CYB5R1: variants seen among roughly 807,000 people sequenced by gnomAD.
The protein encoded by CYB5R1 is NADH-cytochrome b5 reductase 1.
CYB5R1 carries 32 observed loss-of-function variants against 37.4 expected under a neutral mutation model. The observed-to-expected ratio is 0.86, with a 90% CI of 0.65 to 1.15. CYB5R1 has a LOEUF of 1.15. CYB5R1 is among the 50% of genes most tolerant of loss of function. The probability of loss-of-function intolerance (pLI) is 0.00; values close to 1 mark genes in which losing one functional copy is unlikely to be tolerated. For missense variants in CYB5R1, 345 were observed against 382.5 expected, an observed-to-expected ratio of 0.90 and a Z score of 0.82; for synonymous variants, 159 against 155.2, an observed-to-expected ratio of 1.02 and a Z score of -0.18.
intron 1 of CYB5R1, 97 bp downstream of exon 1, chr1:202,967,094 G>T: frequency 6.7e-7 from 1 of 1,500,732 alleles, no homozygotes. Context: ...AGCCCTGCGG[G>T]GCGGGGTCGG....
chr1:202,966,523 C>G lies in CYB5R1; in HGVS notation c.238+5G>C. On this transcript the variant is annotated splice_donor_5th_base_variant and intron_variant, in intron 3 of 8. Coordinates refer to ENST00000367249, the MANE Select transcript of CYB5R1 (RefSeq NM_016243.3). ...GGAAAGGAGCCCATTCCACACTTTC[C>G]TTACCCACAGGCAGCCCCAGAGTGT... 1.2e-6 allele frequency: 2 copies of G among 1,614,150 alleles called. No individual in the cohort carries two copies. Among genetic ancestry groups the G allele is most frequent in the Non-Finnish European group, 1.7e-6 (2 of 1,179,986 alleles).
At chr1:202,964,574 A>C in intron 6 of CYB5R1, 38 bp downstream of exon 6, 1 of 1,493,474 alleles carries the variant, frequency 6.7e-7, no homozygotes, top group Non-Finnish European at 9.3e-7. Context: ...GGCAACAGTC[A>C]ACAATGGTGG....
rs1440135342 is a variant in CYB5R1 at position 202,966,547 on chromosome 1, G to A, written c.219C>T (p.His73=). Residue 73 remains histidine, a synonymous_variant, in exon 3 of 9, where the codon CAC becomes CAT. Transcript: ENST00000367249. ...RFRFALPTAH[H]TLGLPVGKHI... ...CCTTACCCACAGGCAGCCCCAGAGT[G>A]TGGTGGGCGGTGGGCAGGGCAAAGC... is the stretch of plus-strand genomic sequence containing the variant. 3.1e-6 allele frequency: 5 copies of A among 1,614,092 alleles called. No homozygotes were observed. Among genetic ancestry groups the A allele is most frequent in the East Asian group, 4.5e-5 (2 of 44,892 alleles).
At chr1:202,963,019 T>C (rs1655022741) in intron 8 of CYB5R1, 47 bp downstream of exon 8, 1 of 1,535,578 alleles carries the variant, frequency 6.5e-7, no homozygotes, top group Admixed American at 1.7e-5. Context: ...AAGGCTTTGA[T>C]TTTGACGATG....
chr1:202,962,689 G>T lies in CYB5R1; in HGVS notation c.756C>A (p.Tyr252Ter), dbSNP rs749419789. 1 of 1,613,982 alleles carries T rather than the reference G, an allele frequency of 6.2e-7. No homozygotes were observed. The highest frequency in any genetic ancestry group is 8.5e-7 in the Non-Finnish European group (1 of 1,180,024). Reference sequence around the variant, plus strand: ...TGTCGGCAGTCACAAAGCCCTTGCTGTAGGCCCAATCTGAAGTATGGGGAG... The same window carrying T: ...TGTCGGCAGTCACAAAGCCCTTGCTTTAGGCCCAATCTGAAGTATGGGGAG... The part of the protein sequence containing the change: ...TLDHPPKDWA[Y>*]SKGFVTADMI... The change falls in exon 9 of 9, where the codon TAC becomes TAA. Residue 252 changes from tyrosine (Y) to a stop codon, truncating the protein, a stop_gained. Transcript: ENST00000367249. LOFTEE classifies it high-confidence loss of function.
Position 202,966,597 on chromosome 1 carries a change from C to G in CYB5R1, c.169G>C (p.Val57Leu). ...YLLRLLDKTT[V>L]SHNTKRFRFA... ...CGGAACCTCTTGGTGTTGTGGCTCA[C>G]AGTCTGGAGGGTGGAGGACACAAGT... Residue 57 changes from valine (V) to leucine (L), a missense_variant, in exon 3 of 9, where the codon GTG becomes CTG. Transcript: ENST00000367249. 6.2e-7 allele frequency: 1 copy of G among 1,614,182 alleles called. No individual in the cohort carries two copies. Among genetic ancestry groups the G allele is most frequent in the Non-Finnish European group, 8.5e-7 (1 of 1,180,034 alleles).
chr1:202,962,239 C>A lies in CYB5R1; in HGVS notation c.*288G>T. ...TATCAAGGAACTAGCCAATCTTGGA[C>A]CAAGCGTACATGCTCCCTTCCTTCT... On this transcript the variant is annotated 3_prime_UTR_variant, in exon 9 of 9. Transcript: ENST00000367249. 2.9e-6 allele frequency: 1 copy of A among 341,314 alleles called. No individual in the cohort carries two copies. Among genetic ancestry groups the A allele is most frequent in the Admixed American group, 4.6e-5 (1 of 21,664 alleles). 21.1% of individuals were successfully genotyped at this position (341,314 alleles called of 1,614,324 possible). A position where few individuals can be genotyped will look rare whatever the true frequency, so the allele number is the denominator to read the frequency against.
chr1:202,967,001 A>G, intron 1 of CYB5R1, 103 bp from the exon 2 acceptor site: 1 of 1,474,990 alleles, frequency 6.8e-7, no homozygotes, highest in Non-Finnish European at 9.1e-7. Flanking sequence ...GCGCGGAGGC[A>G]TGCCAAGGGC....
chr1:202,964,777 G>T, intron 5 of CYB5R1, 82 bp from the exon 6 acceptor site: 1 of 1,010,736 alleles, frequency 9.9e-7, no homozygotes. Context: ...TTGAAAATAT[G>T]CCTGAGGCCA....
Position 202,967,213 on chromosome 1 carries a change from CG to C in CYB5R1, c.-9del. 1 of 1,609,626 alleles carries C rather than the reference CG, an allele frequency of 6.2e-7. No homozygotes were observed. Among genetic ancestry groups the C allele is most frequent in the Non-Finnish European group, 8.5e-7 (1 of 1,178,102 alleles). On this transcript the variant is annotated 5_prime_UTR_variant, in exon 1 of 9. Transcript: ENST00000367249. Reference sequence around the variant, plus strand: ...TACCGTCTGGATCCCCATGACGGAGCGCCTTTTCCTCCACCACCTGACAAGC... The same window carrying C: ...TACCGTCTGGATCCCCATGACGGAGCCCTTTTCCTCCACCACCTGACAAGC...
At position 202,962,366 on chromosome 1, in the gene CYB5R1, A is replaced by G. The variant is rs1655005636; in HGVS notation, c.*161T>C. The stretch of plus-strand genomic sequence containing the variant: ...AGTGACTGAGCCTTGGCCCTCTTCC[A>G]TGGCTACAGGAATATTGTTCCTGCA... On this transcript the variant is annotated 3_prime_UTR_variant, in exon 9 of 9. Transcript: ENST00000367249. 2.2e-6 allele frequency: 2 copies of G among 927,292 alleles called. No individual in the cohort carries two copies. Among genetic ancestry groups the G allele is most frequent in the Non-Finnish European group, 3.2e-6 (2 of 627,456 alleles). The allele number at this position is 927,292 out of a possible 1,614,324, so 57.4% of individuals were successfully genotyped here. A position where few individuals can be genotyped will look rare whatever the true frequency, so the allele number is the denominator to read the frequency against.
At position 202,965,510 on chromosome 1, in the gene CYB5R1, CAG is replaced by C. The variant is rs1655071656; in HGVS notation, c.346-12_346-11del. On this transcript the variant is annotated splice_polypyrimidine_tract_variant and intron_variant, in intron 4 of 8. Transcript: ENST00000367249. ...CACCCTTCAGGTAGACCTTACAAGA[CAG>C]AGAGAAAAATACCTTATTTGGAATG... is the stretch of plus-strand genomic sequence containing the variant. 6.4e-7 allele frequency: 1 copy of C among 1,566,104 alleles called. No homozygotes were observed.
At chr1:202,966,397 C>T in intron 3 of CYB5R1, 131 bp downstream of exon 3, 2 of 1,061,170 alleles carry the variant, frequency 1.9e-6, no homozygotes, top group Non-Finnish European at 1.4e-6. Context: ...TTGGAGGATG[C>T]AGAGCCAAGT....
Position 202,962,650 on chromosome 1 carries a change from G to C in CYB5R1, c.795C>G (p.His265Gln), listed in dbSNP as rs773777113. The C allele has an allele frequency of 1.3e-5, 21 of 1,614,172 alleles. No homozygotes were observed. Among genetic ancestry groups the C allele is most frequent in the Non-Finnish European group, 1.8e-5 (21 of 1,180,032 alleles). The change falls in exon 9 of 9, where the codon CAC becomes CAG. Residue 265 changes from histidine (H) to glutamine (Q), a missense_variant. Transcript: ENST00000367249. ...GCACATCATCCCCTGGAGCGGGCAG[G>C]TGTTCCCGGATCATGTCGGCAGTCA... ...GFVTADMIRE[H>Q]LPAPGDDVLV...
intron 7 of CYB5R1, 57 bp from the exon 8 acceptor site, chr1:202,963,222 G>A (rs1655027912): frequency 7.6e-7 from 1 of 1,312,004 alleles, no homozygotes; most frequent in South Asian, 1.2e-5. Flanking sequence ...CACATAAAAA[G>A]TTTTCTGCTA....
chr1:202,966,719 T>C (rs775647105), intron 2 of CYB5R1, 30 bp downstream of exon 2: 2 of 1,612,676 alleles, frequency 1.2e-6, no homozygotes, highest in Non-Finnish European at 8.5e-7. Context: ...GGTCCCCTCC[T>C]TCACCCTGGC....
At chr1:202,963,215 A>G in intron 7 of CYB5R1, 50 bp from the exon 8 acceptor site, 1 of 1,423,734 alleles carries the variant, frequency 7.0e-7, no homozygotes, top group Non-Finnish European at 9.8e-7. Context: ...TCAGGCCCAC[A>G]TAAAAAGTTT....
Position 202,966,883 on chromosome 1 carries a change from C to G in CYB5R1, c.31G>C (p.Ala11Pro). MGIQTSPVLL[A>P]SLGVGLVTLL... ...GTGACCAGCCCCACCCCCAGGGAGG[C>G]CAGCAGGACGGGGCTCTGTGGGTAG... Residue 11 changes from alanine to proline, a missense_variant, in exon 2 of 9, where the codon GCC becomes CCC. Ala to Pro is a conservative substitution (Grantham distance 27, BLOSUM62 -1). Transcript: ENST00000367249. 1 of 1,611,116 alleles carries G rather than the reference C, an allele frequency of 6.2e-7. No homozygotes were observed. Among genetic ancestry groups the G allele is most frequent in the African/African-American group, 1.3e-5 (1 of 75,022 alleles).
chr1:202,964,285 T>C (rs370624764), intron 6 of CYB5R1: 13 of 378,264 alleles, frequency 3.4e-5, no homozygotes, highest in East Asian at 3.4e-4. Context: ...CAGTGTCTAA[T>C]GCACAGTAGT....
Sources: allele counts gnomAD v4.1 joint callset, GRCh38; gene constraint gnomAD v4.1.1; transcripts MANE v1.5; gene names NCBI Gene and HGNC (gene_info 2026-07-23, HGNC 2026-07-21).